LPP: variants seen among roughly 807,000 people sequenced by gnomAD.
LPP encodes the protein LIM domain containing preferred translocation partner in lipoma, also known as lipoma-preferred partner.
Under a neutral mutation model 60.4 loss-of-function variants are expected in LPP, and 38 were observed. The observed-to-expected ratio is 0.63, with a 90% CI of 0.49 to 0.83. LPP has a LOEUF of 0.83. LPP is among the 40% of genes least tolerant of loss of function. The pLI, the probability that LPP is intolerant of heterozygous loss-of-function variation, is 0.00. For synonymous variants in LPP, 328 were observed against 290.8 expected, an observed-to-expected ratio of 1.13 and a Z score of -1.30; for missense variants, 902 against 783.6, an observed-to-expected ratio of 1.15 and a Z score of -1.80.
rs868215691 is a variant in LPP at position 188,765,612 on chromosome 3, A to G, written c.1410+5330A>G. ...TTACAAATGTGGCTCGGATGTTTTC[A>G]AAGTAAATGACAAAACAAAGACTAT... On this transcript the variant is annotated intron_variant, in intron 9 of 11. Coordinates refer to ENST00000617246, the MANE Select transcript of LPP (RefSeq NM_001375462.1). Among the ~76,000 whole-genome samples the G allele has an allele frequency of 5.9e-5, 9 of 152,312 alleles. No individual in the cohort carries two copies. In the South Asian group the frequency reaches 1.7e-3, roughly 28 times the overall value.
At chr3:188,305,585 A>G (rs144316606) in intron 2 of LPP, among the ~76,000 whole-genome samples, 195 of 152,232 alleles carry the variant, frequency 1.3e-3, no homozygotes, top group African/African-American at 3.9e-3. Context: ...TCTCAACGCA[A>G]CACACACACA....
intron 7 of LPP, among the ~76,000 whole-genome samples, chr3:188,647,603 G>C (rs1369795388): frequency 6.6e-6 from 1 of 152,138 alleles, no homozygotes; most frequent in East Asian, 1.9e-4. Context: ...AGGTGTGGAT[G>C]TGAGACAGAG....
chr3:188,705,728 T>G (rs1212428865), intron 7 of LPP, among the ~76,000 whole-genome samples: 4 of 152,096 alleles, frequency 2.6e-5, no homozygotes, highest in Non-Finnish European at 5.9e-5. Flanking sequence ...GCGATTTTCA[T>G]GCCCCAGCCT....
chr3:188,176,343 G>C (rs759978407), intron 1 of LPP, among the ~76,000 whole-genome samples: 13 of 152,012 alleles, frequency 8.6e-5, no homozygotes, highest in Non-Finnish European at 1.6e-4. Flanking sequence ...ATTTAAAAAA[G>C]AGTTTTTGAA....
chr3:188,766,492 T>C lies in LPP; in HGVS notation c.1410+6210T>C, dbSNP rs933877210. On this transcript the variant is annotated intron_variant, in intron 9 of 11. Transcript: ENST00000617246. ...TATCATATTACCCTCTAATTAATGA[T>C]CCTAGAAAATAGTTACAGTTATTTT... 2.6e-5 allele frequency among the ~76,000 whole-genome samples: 4 copies of C among 152,156 alleles called. No homozygotes were observed. The South Asian group carries it at 8.3e-4, about 32-fold the overall frequency.
chr3:188,503,868 G>A (rs780731098), intron 5 of LPP, among the ~76,000 whole-genome samples: 17 of 152,146 alleles, frequency 1.1e-4, no homozygotes, highest in Middle Eastern at 3.4e-3. Flanking sequence ...AAAATTCTCC[G>A]GTTGTCTTTG....
At chr3:188,314,854 TTTTC>T (rs1328481777) in intron 2 of LPP, among the ~76,000 whole-genome samples, 1 of 152,150 alleles carries the variant, frequency 6.6e-6, no homozygotes, top group Non-Finnish European at 1.5e-5. Flanking sequence ...AGCTTTTCTT[TTTTC>T]TTTATTTTGA....
chr3:188,221,510 T>C (rs986381423), intron 1 of LPP, among the ~76,000 whole-genome samples: 1 of 152,184 alleles, frequency 6.6e-6, no homozygotes, highest in Admixed American at 6.5e-5. Context: ...ATGCAGAACA[T>C]GTGACATTCT....
chr3:188,836,912 C>T (rs1353241846), intron 9 of LPP, among the ~76,000 whole-genome samples: 1 of 152,178 alleles, frequency 6.6e-6, no homozygotes, highest in Non-Finnish European at 1.5e-5. Flanking sequence ...TTTTAGAGCC[C>T]ATCTAAATCC....
intron 2 of LPP, among the ~76,000 whole-genome samples, chr3:188,231,335 G>A (rs1348688212): frequency 6.6e-6 from 1 of 152,208 alleles, no homozygotes. Flanking sequence ...GTTGCCTGAA[G>A]CAGTTGAATA....
intron 1 of LPP, among the ~76,000 whole-genome samples, chr3:188,208,016 C>T (rs1410496992): frequency 6.6e-6 from 1 of 152,198 alleles, no homozygotes; most frequent in Admixed American, 6.5e-5. Flanking sequence ...ATAGTAGATG[C>T]TCACACATCT....
intron 4 of LPP, among the ~76,000 whole-genome samples, chr3:188,462,554 A>C (rs1414396803): frequency 2.4e-4 from 9 of 36,972 alleles, no homozygotes; most frequent in African/African-American, 8.1e-4. Flanking sequence ...TTATATATAT[A>C]TATATATATA....
At chr3:188,323,453 A>G (rs1380276847) in intron 2 of LPP, among the ~76,000 whole-genome samples, 10 of 152,174 alleles carry the variant, frequency 6.6e-5, no homozygotes, top group Non-Finnish European at 1.2e-4. Context: ...CTCCAAACAC[A>G]TTACTGTGTA....
chr3:188,576,412 C>T (rs1042060695), intron 6 of LPP, among the ~76,000 whole-genome samples: 8 of 152,058 alleles, frequency 5.3e-5, no homozygotes, highest in African/African-American at 1.7e-4. Context: ...ACACACATGG[C>T]GCCAGGCACA....
chr3:188,472,621 A>C (rs1424882817), intron 4 of LPP: 2 of 152,174 alleles, frequency 1.3e-5, no homozygotes, highest in African/African-American at 2.4e-5. Context: ...GATAAATCAC[A>C]GAAGGCCCCT....
intron 9 of LPP, among the ~76,000 whole-genome samples, chr3:188,790,610 C>T (rs1488839758): frequency 2.0e-5 from 3 of 152,070 alleles, no homozygotes; most frequent in Non-Finnish European, 4.4e-5. Flanking sequence ...CACCTGAGGT[C>T]AGGAGTTCAA....
At chr3:188,242,700 C>T (rs970298131) in intron 2 of LPP, among the ~76,000 whole-genome samples, 2 of 152,160 alleles carry the variant, frequency 1.3e-5, no homozygotes, top group African/African-American at 4.8e-5. Context: ...TCATCAAGGT[C>T]CCTTCTGAGG....
chr3:188,777,829 CTTT>C (rs1738326908), intron 9 of LPP, among the ~76,000 whole-genome samples: 1 of 152,128 alleles, frequency 6.6e-6, no homozygotes, highest in Non-Finnish European at 1.5e-5. Context: ...TTGAATTAGC[CTTT>C]TAGAAATCAT....
chr3:188,158,859 G>A, intron 1 of LPP, among the ~76,000 whole-genome samples: 1 of 152,146 alleles, frequency 6.6e-6, no homozygotes, highest in South Asian at 2.1e-4. Context: ...GTTCTTCCCT[G>A]GAATTTAATT....
Sources: allele counts gnomAD v4.1 joint callset (sites outside exome capture counted in the v4.1 genomes callset), GRCh38; gene constraint gnomAD v4.1.1; transcripts MANE v1.5; gene names NCBI Gene and HGNC (gene_info 2026-07-23, HGNC 2026-07-21).